The following ASIC2 variants were observed in gnomAD, a reference collection of about 807,000 sequenced individuals.
ASIC2 encodes acid sensing ion channel subunit 2.
ASIC2 carries 25 observed loss-of-function variants against 57.3 expected under a neutral mutation model. The observed-to-expected ratio is 0.44, with a 90% CI of 0.32 to 0.61. The LOEUF (loss-of-function observed/expected upper bound fraction) is 0.61. Ranked by LOEUF, ASIC2 falls within the 20% of genes least tolerant of loss-of-function variation. ASIC2 has a pLI of 0.06. For synonymous variants in ASIC2, 319 were observed against 307.5 expected, an observed-to-expected ratio of 1.04 and a Z score of -0.39; for missense variants, 641 against 738.1, an observed-to-expected ratio of 0.87 and a Z score of 1.52.
chr17:33,926,331 C>G (rs1045412918), intron 1 of ASIC2, among the ~76,000 whole-genome samples: 5 of 151,970 alleles, frequency 3.3e-5, no homozygotes, highest in African/African-American at 1.2e-4. Flanking sequence ...TGGGACCAGA[C>G]GTATTTTGAA....
chr17:33,764,946 A>G (rs541089077), intron 1 of ASIC2, among the ~76,000 whole-genome samples: 98 of 152,194 alleles, frequency 6.4e-4, no homozygotes, highest in Non-Finnish European at 8.2e-4. Context: ...GCCTGGGCGT[A>G]TGCTGATGCT....
Position 33,632,008 on chromosome 17 carries a change from C to T in ASIC2, c.556-519941G>A, listed in dbSNP as rs148309143. Among the ~76,000 whole-genome samples, 661 of 152,228 alleles carry T rather than the reference C, an allele frequency of 4.3e-3. 2 individuals are homozygous for T. The highest frequency in any genetic ancestry group is 0.015 in the African/African-American group (637 of 41,532). On this transcript the variant is annotated intron_variant, in intron 1 of 9. Coordinates refer to the ASIC2 transcript ENST00000359872. ...AGTAGGGCTGACTACACAGGTCTTG[C>T]AGAAAAGGAGGCAGCATGGCAGAAG...
At chr17:33,066,633 A>G (rs1254996963) in intron 3 of ASIC2, among the ~76,000 whole-genome samples, 1 of 152,118 alleles carries the variant, frequency 6.6e-6, no homozygotes, top group Admixed American at 6.6e-5. Context: ...CAATTTGAAG[A>G]CCTATAGAGG....
At chr17:33,344,105 A>G (rs1369124427) in intron 1 of ASIC2, among the ~76,000 whole-genome samples, 2 of 152,190 alleles carry the variant, frequency 1.3e-5, no homozygotes, top group Non-Finnish European at 2.9e-5. Context: ...TTAATGTCCA[A>G]CTTCCCCAGC....
At chr17:33,042,989 C>A (rs911937999) in intron 3 of ASIC2, among the ~76,000 whole-genome samples, 5 of 151,602 alleles carry the variant, frequency 3.3e-5, no homozygotes, top group Admixed American at 1.3e-4. Context: ...TGCAGTGGTG[C>A]AATCTCGGCT....
At chr17:34,019,697 G>A (rs751914515) in intron 1 of ASIC2, among the ~76,000 whole-genome samples, 9 of 152,194 alleles carry the variant, frequency 5.9e-5, no homozygotes, top group Non-Finnish European at 1.0e-4. Context: ...TATATGCACT[G>A]AGGAACCAAG....
At chr17:33,772,316 T>G (rs1201930970) in intron 1 of ASIC2, among the ~76,000 whole-genome samples, 1 of 152,232 alleles carries the variant, frequency 6.6e-6, no homozygotes, top group Admixed American at 6.5e-5. Context: ...TGGGTTTTCC[T>G]AAGCAGTCTA....
chr17:33,132,621 G>A (rs1222040992), intron 1 of ASIC2, among the ~76,000 whole-genome samples: 1 of 152,150 alleles, frequency 6.6e-6, no homozygotes, highest in Admixed American at 6.5e-5. Flanking sequence ...GCACACTTGC[G>A]ACCTAGAGCC....
chr17:33,490,047 T>C (rs1424415216), intron 1 of ASIC2, among the ~76,000 whole-genome samples: 1 of 152,262 alleles, frequency 6.6e-6, no homozygotes, highest in East Asian at 1.9e-4. Flanking sequence ...AATTTTGTGT[T>C]TTGCTTTTAT....
intron 1 of ASIC2, among the ~76,000 whole-genome samples, chr17:33,421,736 T>A (rs939394858): frequency 2.0e-5 from 3 of 152,244 alleles, no homozygotes; most frequent in Admixed American, 6.5e-5. Context: ...CTCTTTGTTA[T>A]GTCATGCATT....
At chr17:33,958,987 C>T (rs1362992282) in intron 1 of ASIC2, among the ~76,000 whole-genome samples, 1 of 152,140 alleles carries the variant, frequency 6.6e-6, no homozygotes, top group Non-Finnish European at 1.5e-5. Flanking sequence ...GGACAAAATG[C>T]CACCAGTCTC....
At chr17:33,413,685 T>C (rs913670526) in intron 1 of ASIC2, among the ~76,000 whole-genome samples, 1 of 152,260 alleles carries the variant, frequency 6.6e-6, no homozygotes. Flanking sequence ...TGTTCAGCCT[T>C]GGCCCATCCT....
chr17:34,145,705 C>T (rs1203657727), intron 1 of ASIC2, among the ~76,000 whole-genome samples: 1 of 152,204 alleles, frequency 6.6e-6, no homozygotes, highest in Non-Finnish European at 1.5e-5. Context: ...TCATATTGCC[C>T]GTGAGCCACC....
At chr17:34,083,778 G>T (rs1470612237) in intron 1 of ASIC2, among the ~76,000 whole-genome samples, 2 of 152,200 alleles carry the variant, frequency 1.3e-5, no homozygotes, top group Non-Finnish European at 2.9e-5. Context: ...GCCAGTGATG[G>T]TGAGCATTTT....
At chr17:33,135,578 G>A (rs1000212013) in intron 1 of ASIC2, among the ~76,000 whole-genome samples, 1 of 152,216 alleles carries the variant, frequency 6.6e-6, no homozygotes, top group Admixed American at 6.5e-5. Context: ...TGGAATGAGA[G>A]GTATGACAAG....
At chr17:33,091,711 A>C (rs945034476) in intron 2 of ASIC2, among the ~76,000 whole-genome samples, 1 of 152,198 alleles carries the variant, frequency 6.6e-6, no homozygotes, top group Non-Finnish European at 1.5e-5. Flanking sequence ...GTAAAATCCT[A>C]AAGTAGCCTC....
chr17:34,153,017 T>C (rs1435796256), intron 1 of ASIC2, among the ~76,000 whole-genome samples: 2 of 152,202 alleles, frequency 1.3e-5, no homozygotes, highest in Admixed American at 6.5e-5. Context: ...GTTTACATTG[T>C]AGTCAGCATC....
intron 1 of ASIC2, among the ~76,000 whole-genome samples, chr17:34,101,381 G>A (rs1034836701): frequency 3.3e-5 from 5 of 152,110 alleles, no homozygotes; most frequent in South Asian, 2.1e-4. Flanking sequence ...ATTTGGTTAC[G>A]CTTTCCAGTT....
intron 1 of ASIC2, among the ~76,000 whole-genome samples, chr17:33,831,626 GA>G (rs537365815): frequency 8.7e-4 from 131 of 151,062 alleles, no homozygotes; most frequent in African/African-American, 3.2e-3. Flanking sequence ...TTTGGTCAAA[GA>G]AATGTCTACT....
Sources: gnomAD v4.1 joint callset for allele counts (sites outside exome capture counted in the v4.1 genomes callset) on GRCh38, gnomAD v4.1.1 for gene constraint, MANE v1.5 for transcripts, NCBI Gene and HGNC (gene_info 2026-07-23, HGNC 2026-07-21) for gene names.